The following FRY variants were observed in gnomAD, a reference collection of about 807,000 sequenced individuals.
FRY encodes the protein protein furry homolog.
In FRY, 128 loss-of-function variants were observed where a neutral mutation model predicts 348.4. The ratio of observed to expected loss-of-function variants is 0.37; its 90% CI spans 0.32 to 0.43. The LOEUF (loss-of-function observed/expected upper bound fraction) is 0.43, where lower values mean the gene tolerates loss of function less well. Among genes scored for constraint, FRY ranks in the 20% least tolerant of loss-of-function variants. The pLI is 1.00. For synonymous variants in FRY, 1,370 were observed against 1,374.7 expected, an observed-to-expected ratio of 1.00 and a Z score of 0.08; for missense variants, 2,736 against 3,695.2, an observed-to-expected ratio of 0.74 and a Z score of 6.73.
At position 32,294,565 on chromosome 13, in the gene FRY, G is replaced by C. The variant is rs1247348587; in HGVS notation, c.8778G>C (p.Glu2926Asp). ...GCAAAGCTTTGCGGCAGATCAGGGA[G>C]TGCAGGTGACTCTGCTATTTCTTTT... ...ELGKALRQIRECRSLWPNDIF... is the reference protein window; with the variant it reads ...ELGKALRQIRDCRSLWPNDIF... The change falls in exon 60 of 61, where the codon GAG becomes GAC. Residue 2926 changes from glutamate (E) to aspartate (D), a missense_variant. Around this residue, in one of 9 missense-constraint regions of FRY, gnomAD observed 157 missense variants for 215.2 expected, o/e 0.73. Transcript: ENST00000542859. The C allele has an allele frequency of 6.2e-7, 1 of 1,612,464 alleles. No homozygotes were observed.
In FRY at chr13:32,234,715, T is replaced by C. The variant is rs1886131454; in HGVS notation, c.5669T>C (p.Leu1890Pro). Residue 1890 changes from leucine to proline, a missense_variant, in exon 42 of 61, where the codon CTC becomes CCC. Leu to Pro is a moderately conservative substitution (Grantham distance 98, BLOSUM62 -3). Transcript: ENST00000542859. ...TCAGCACATGCCTTATCTGACCTTC[T>C]CTCAAGATTGGTGGAGGTGATAGGA... Reference protein sequence around the residue: ...PLSAHALSDLLSRLVEVIGEH... With the variant: ...PLSAHALSDLPSRLVEVIGEH... The C allele has an allele frequency of 6.2e-7, 1 of 1,614,006 alleles. No homozygotes were observed. Among genetic ancestry groups the C allele is most frequent in the Non-Finnish European group, 8.5e-7 (1 of 1,180,022 alleles).
intron 1 of FRY, chr13:32,060,808 G>A (rs1016585878): frequency 1.0e-4 from 29 of 282,604 alleles, no homozygotes; most frequent in Non-Finnish European, 1.8e-4. Context: ...ATAGACATAC[G>A]GGCACTCTGT....
intron 59 of FRY, 86 bp downstream of exon 59, chr13:32,289,829 C>T: frequency 1.3e-6 from 1 of 765,118 alleles, no homozygotes. Context: ...TTATAACTGC[C>T]CAAGTGATTT....
At chr13:32,201,880 C>T in intron 29 of FRY, 61 bp from the exon 30 acceptor site, 2 of 923,696 alleles carry the variant, frequency 2.2e-6, no homozygotes, top group Admixed American at 1.7e-5. Flanking sequence ...TAAGAGGTAA[C>T]AATCTAGCCA....
intron 1 of FRY, among the ~76,000 whole-genome samples, chr13:32,062,873 A>G (rs1184493859): frequency 1.3e-5 from 2 of 152,082 alleles, no homozygotes; most frequent in East Asian, 1.9e-4. Context: ...TTATAATGGC[A>G]TATATATACC....
chr13:32,251,753 G>A, intron 49 of FRY, 125 bp from the exon 50 acceptor site: 2 of 718,738 alleles, frequency 2.8e-6, no homozygotes, highest in Admixed American at 3.9e-5. Context: ...ATACTTTTGT[G>A]TATTTTACAT....
intron 49 of FRY, among the ~76,000 whole-genome samples, chr13:32,250,853 C>T (rs1054029517): frequency 1.3e-5 from 2 of 152,212 alleles, no homozygotes; most frequent in African/African-American, 4.8e-5. Flanking sequence ...GAAGAAAATA[C>T]AGCCCAATGT....
At position 32,294,361 on chromosome 13, in the gene FRY, T is replaced by TA. The variant is rs745663742; in HGVS notation, c.8581-4dup. ...ATATAGTTTAAAAAACATTTTTTTT[T>TA]AAATAGCTGCTGAATATGTCCAGGG... On this transcript the variant is annotated splice_polypyrimidine_tract_variant and splice_region_variant and intron_variant, in intron 59 of 60. Coordinates refer to ENST00000542859, the MANE Select transcript of FRY (RefSeq NM_023037.3). 6.2e-7 allele frequency: 1 copy of TA among 1,604,976 alleles called. No individual in the cohort carries two copies.
chr13:32,175,999 A>T (rs1051689636), intron 20 of FRY, among the ~76,000 whole-genome samples: 1 of 152,188 alleles, frequency 6.6e-6, no homozygotes, highest in African/African-American at 2.4e-5. Flanking sequence ...TATAGTTTAC[A>T]GAGTGCTTTC....
At chr13:32,102,227 T>C (rs1877210536) in intron 3 of FRY, among the ~76,000 whole-genome samples, 1 of 152,212 alleles carries the variant, frequency 6.6e-6, no homozygotes, top group African/African-American at 2.4e-5. Context: ...AACTGGAAAG[T>C]ATTGGGATAA....
rs150859875 is a variant in FRY at position 32,203,495 on chromosome 13, G to A, written c.4018+968G>A. On this transcript the variant is annotated intron_variant, in intron 31 of 60. Coordinates refer to ENST00000542859, the MANE Select transcript of FRY (RefSeq NM_023037.3). ...AATCCCAACACTGGAGACCGAGGAG[G>A]GCTAATCACCTGAGGTCAGGAGTTT... Among the ~76,000 whole-genome samples, 98 of 152,152 alleles carry A rather than the reference G, an allele frequency of 6.4e-4. 2 individuals carry two copies. In the East Asian group the frequency reaches 0.019, roughly 29 times the overall value.
At chr13:32,221,911 A>G (rs1385120782) in intron 36 of FRY, among the ~76,000 whole-genome samples, 1 of 152,192 alleles carries the variant, frequency 6.6e-6, no homozygotes, top group Non-Finnish European at 1.5e-5. Flanking sequence ...TAGTAGGGAG[A>G]AAACAATGAA....
intron 2 of FRY, chr13:32,085,771 G>C (rs1289285911): frequency 2.2e-6 from 1 of 448,976 alleles, no homozygotes; most frequent in Non-Finnish European, 4.4e-6. Flanking sequence ...CATAATGGAG[G>C]CTTGAGCAGG....
chr13:32,218,612 G>A, intron 35 of FRY, 137 bp from the exon 36 acceptor site: 2 of 621,312 alleles, frequency 3.2e-6, no homozygotes, highest in Admixed American at 2.4e-5. Context: ...CTGGAAGGCG[G>A]AGATTGCAGT....
chr13:32,040,705 G>T lies in FRY; in HGVS notation c.70+8840G>T, dbSNP rs553553652. ...TATCTAACTCAGTAAATCTGAACAG[G>T]ATTGTCTCCAATATGAAGTGCCAGT... On this transcript the variant is annotated intron_variant, in intron 1 of 60. Transcript: ENST00000542859. Among the ~76,000 whole-genome samples, 16 of 152,216 alleles carry T rather than the reference G, an allele frequency of 1.1e-4. No individual in the cohort carries two copies. In the East Asian group the frequency reaches 2.9e-3, roughly 28 times the overall value.
chr13:32,296,004 G>A lies in FRY; in HGVS notation c.*544G>A. 6.1e-6 allele frequency: 1 copy of A among 164,696 alleles called. No homozygotes were observed. The highest frequency in any genetic ancestry group is 1.6e-4 in the South Asian group (1 of 6,236). The allele number at this position is 164,696 out of a possible 1,614,324, so 10.2% of individuals were successfully genotyped here. A position where few individuals can be genotyped will look rare whatever the true frequency, so the allele number is the denominator to read the frequency against. ...GGTCAAAAGCTGACAGCCTGTGTAT[G>A]TGAAAAGGGAATTGTAAATGGACTG... On this transcript the variant is annotated 3_prime_UTR_variant, in exon 61 of 61. Coordinates refer to ENST00000542859, the MANE Select transcript of FRY (RefSeq NM_023037.3).
At chr13:32,120,879 C>G (rs144465390) in intron 4 of FRY, among the ~76,000 whole-genome samples, 2,181 of 152,322 alleles carry the variant, frequency 0.014, 67 homozygotes, top group Admixed American at 0.06. Context: ...CCAAGCTGGT[C>G]TTGAACTCGT....
At chr13:32,264,793 G>A (rs545286700) in intron 53 of FRY, among the ~76,000 whole-genome samples, 1 of 152,310 alleles carries the variant, frequency 6.6e-6, no homozygotes, top group South Asian at 2.1e-4. Flanking sequence ...CAAGGGTAAA[G>A]CATACATGCA....
chr13:32,218,949 C>T (rs1790871806), intron 36 of FRY, 118 bp downstream of exon 36: 1 of 692,390 alleles, frequency 1.4e-6, no homozygotes, highest in African/African-American at 1.8e-5. Context: ...ATTAAGTAAC[C>T]ATTTAATCCA....
Sources: gnomAD v4.1 joint callset for allele counts (sites outside exome capture counted in the v4.1 genomes callset) on GRCh38, gnomAD v4.1.1 for gene constraint, gnomAD v4.1.1 regional missense constraint, MANE v1.5 for transcripts, NCBI Gene and HGNC (gene_info 2026-07-23, HGNC 2026-07-21) for gene names.